The following INVS variants were observed in gnomAD, a reference collection of about 807,000 sequenced individuals.
INVS encodes the protein inversion of embryo turning homolog.
INVS carries 86 observed loss-of-function variants against 108.8 expected under a neutral mutation model. The observed-to-expected ratio is 0.79, with a 90% CI of 0.66 to 0.95. The LOEUF is 0.95. Among genes scored for constraint, INVS ranks in the 40% least tolerant of loss-of-function variants. The pLI is 0.00. For synonymous variants in INVS, 455 were observed against 473.5 expected, an observed-to-expected ratio of 0.96 and a Z score of 0.51; for missense variants, 1,169 against 1,297.4, an observed-to-expected ratio of 0.90 and a Z score of 1.52.
At chr9:100,135,403 G>A (rs182057551) in intron 3 of INVS, among the ~76,000 whole-genome samples, 2 of 152,248 alleles carry the variant, frequency 1.3e-5, no homozygotes, top group East Asian at 3.9e-4. Context: ...AGACGTCTGG[G>A]CCCCACCACC....
At chr9:100,149,970 T>A (rs1588040789) in intron 3 of INVS, among the ~76,000 whole-genome samples, 1 of 152,324 alleles carries the variant, frequency 6.6e-6, no homozygotes, top group Middle Eastern at 3.4e-3. Flanking sequence ...GTGTTCCTGA[T>A]ACTGCTGCAC....
At chr9:100,247,084 TAA>T (rs76599950) in intron 8 of INVS, among the ~76,000 whole-genome samples, 1 of 141,622 alleles carries the variant, frequency 7.1e-6, no homozygotes. Flanking sequence ...TATCTTTTTG[TAA>T]AAAAAAAAAA....
At chr9:100,230,691 G>A (rs374603173) in intron 5 of INVS, among the ~76,000 whole-genome samples, 5 of 151,852 alleles carry the variant, frequency 3.3e-5, no homozygotes, top group Non-Finnish European at 5.9e-5. Flanking sequence ...GCTAATTTCC[G>A]TATTTTTAGT....
At chr9:100,193,176 C>T (rs1045023918) in intron 3 of INVS, among the ~76,000 whole-genome samples, 2 of 151,898 alleles carry the variant, frequency 1.3e-5, no homozygotes, top group African/African-American at 4.8e-5. Context: ...GATGGGGTGT[C>T]GCTATGTTGC....
chr9:100,197,519 C>T (rs1403451303), intron 3 of INVS, among the ~76,000 whole-genome samples: 8 of 152,210 alleles, frequency 5.3e-5, no homozygotes, highest in Admixed American at 5.2e-4. Context: ...GTGCACCACC[C>T]TCCCAGCATA....
At chr9:100,190,401 C>A (rs78427056) in intron 3 of INVS, among the ~76,000 whole-genome samples, 1 of 152,118 alleles carries the variant, frequency 6.6e-6, no homozygotes, top group Non-Finnish European at 1.5e-5. Context: ...CTATTTCAGT[C>A]ATCATTGTTG....
intron 3 of INVS, among the ~76,000 whole-genome samples, chr9:100,196,134 G>A (rs1028377486): frequency 4.4e-4 from 67 of 152,084 alleles, no homozygotes; most frequent in African/African-American, 1.5e-3. Context: ...TTTTCTTTTC[G>A]ATTTGGTAGG....
At chr9:100,170,373 A>G (rs996185930) in intron 3 of INVS, among the ~76,000 whole-genome samples, 6 of 147,502 alleles carry the variant, frequency 4.1e-5, no homozygotes, top group Admixed American at 3.4e-4. Context: ...CCTCAGCAAC[A>G]TAGTGAGACC....
intron 12 of INVS, among the ~76,000 whole-genome samples, chr9:100,281,888 C>T (rs1200339999): frequency 3.3e-5 from 5 of 152,104 alleles, no homozygotes; most frequent in African/African-American, 7.2e-5. Context: ...AGGTTTGCCC[C>T]GGGGCTGGCT....
At chr9:100,100,960 T>TAC (rs1435590091) in intron 1 of INVS, among the ~76,000 whole-genome samples, 1 of 41,162 alleles carries the variant, frequency 2.4e-5, no homozygotes, top group African/African-American at 1.1e-4. Context: ...ATATATTATA[T>TAC]ATATAATATA....
intron 2 of INVS, 81 bp downstream of exon 2, chr9:100,104,708 C>G: frequency 1.2e-6 from 1 of 855,560 alleles, no homozygotes; most frequent in East Asian, 2.4e-5. Context: ...TTTTAATTTG[C>G]AATGTACTCA....
intron 13 of INVS, among the ~76,000 whole-genome samples, chr9:100,288,971 T>C (rs113489538): frequency 1.3e-5 from 2 of 152,130 alleles, no homozygotes; most frequent in Non-Finnish European, 2.9e-5. Flanking sequence ...CTTTTGCTGG[T>C]TGGAAAGAAT....
At chr9:100,200,501 T>C (rs1273514808) in intron 3 of INVS, among the ~76,000 whole-genome samples, 2 of 152,242 alleles carry the variant, frequency 1.3e-5, no homozygotes, top group African/African-American at 4.8e-5. Context: ...GGTTTTTCCC[T>C]TAGTCTAGTT....
chr9:100,243,983 C>G (rs1831962669), intron 7 of INVS, among the ~76,000 whole-genome samples: 1 of 152,020 alleles, frequency 6.6e-6, no homozygotes, highest in African/African-American at 2.4e-5. Flanking sequence ...TATACTCCAG[C>G]CTGGGCGACA....
chr9:100,121,348 A>G (rs1827721977), intron 2 of INVS, among the ~76,000 whole-genome samples: 1 of 152,222 alleles, frequency 6.6e-6, no homozygotes, highest in South Asian at 2.1e-4. Flanking sequence ...CTCAAGAGGA[A>G]GGGATCATAC....
At chr9:100,105,043 GATAT>G (rs1456836643) in intron 2 of INVS, among the ~76,000 whole-genome samples, 1 of 152,098 alleles carries the variant, frequency 6.6e-6, no homozygotes, top group Non-Finnish European at 1.5e-5. Flanking sequence ...ATATATAAGT[GATAT>G]ATAGAGAGGT....
intron 3 of INVS, among the ~76,000 whole-genome samples, chr9:100,144,346 G>A (rs371292509): frequency 2.6e-5 from 4 of 152,130 alleles, no homozygotes; most frequent in African/African-American, 4.8e-5. Flanking sequence ...TTTCAGGGCC[G>A]GAATTTAATT....
At chr9:100,292,181 GAAGTTAA>G in intron 13 of INVS, 138 bp from the exon 14 acceptor site, 1 of 764,192 alleles carries the variant, frequency 1.3e-6, no homozygotes, top group Non-Finnish European at 2.3e-6. Context: ...GCTGGAAATA[GAAGTTAA>G]ACCGTTTTTT....
At chr9:100,149,049 CAA>C (rs11333350) in intron 3 of INVS, among the ~76,000 whole-genome samples, 137 of 144,880 alleles carry the variant, frequency 9.5e-4, no homozygotes, top group Middle Eastern at 3.5e-3. Context: ...TTCACTGTAG[CAA>C]AAAAAAAAAA....
Sources: allele counts gnomAD v4.1 joint callset (sites outside exome capture counted in the v4.1 genomes callset), GRCh38; gene constraint gnomAD v4.1.1; transcripts MANE v1.5; gene names NCBI Gene and HGNC (gene_info 2026-07-23, HGNC 2026-07-21).